The following SPATA9 variants were observed in gnomAD, a reference collection of about 807,000 sequenced individuals.
SPATA9 encodes spermatogenesis-associated protein 9.
SPATA9 carries 27 observed loss-of-function variants against 25.5 expected under a neutral mutation model. The ratio of observed to expected loss-of-function variants is 1.06; its 90% confidence interval spans 0.78 to 1.46. The LOEUF is 1.46. Ranked by LOEUF, SPATA9 falls within the 40% of genes most tolerant of loss-of-function variation. SPATA9 has a pLI of 0.00. For synonymous variants in SPATA9, 102 were observed against 105.7 expected, an observed-to-expected ratio of 0.97 and a Z score of 0.21; for missense variants, 282 against 297.5, an observed-to-expected ratio of 0.95 and a Z score of 0.38.
intron 2 of SPATA9, among the ~76,000 whole-genome samples, chr5:95,680,745 G>A (rs534352757): frequency 2.0e-5 from 3 of 152,122 alleles, no homozygotes; most frequent in Admixed American, 1.3e-4. Context: ...ATCTTCAGCC[G>A]GGCTTCTCTT....
At chr5:95,720,104 T>C in the SPATA9 span, among the ~76,000 whole-genome samples, 2 of 152,208 alleles carry the variant, frequency 1.3e-5, no homozygotes, top group East Asian at 3.8e-4. Flanking sequence ...AGTTTACACA[T>C]TGGCCTCTTG....
At chr5:95,727,510 T>C in the SPATA9 span, among the ~76,000 whole-genome samples, 2 of 152,184 alleles carry the variant, frequency 1.3e-5, no homozygotes, top group Admixed American at 6.5e-5. Context: ...ATAGAGTAAA[T>C]ATGAAATGGT....
chr5:95,691,910 G>T (rs1267383209), intron 1 of SPATA9, among the ~76,000 whole-genome samples: 7 of 151,956 alleles, frequency 4.6e-5, no homozygotes, highest in Admixed American at 4.6e-4. Flanking sequence ...ATTGATTATC[G>T]AATTTTATCA....
chr5:95,655,835 A>C, downstream of SPATA9: 1 of 500,242 alleles, frequency 2.0e-6, no homozygotes, highest in Non-Finnish European at 3.5e-6. Flanking sequence ...GTCTTCTGAT[A>C]GAGCTCTAAC....
At chr5:95,729,863 C>T in the SPATA9 span, among the ~76,000 whole-genome samples, 1 of 152,142 alleles carries the variant, frequency 6.6e-6, no homozygotes, top group Non-Finnish European at 1.5e-5. Flanking sequence ...CTTTTTTAAA[C>T]GCTAATCATC....
Position 95,682,431 on chromosome 5 carries a change from A to T in SPATA9, c.150+97T>A, listed in dbSNP as rs1490496434. 3 of 881,832 alleles carry T rather than the reference A, an allele frequency of 3.4e-6. No individual in the cohort carries two copies. The African/African-American group carries it at 5.2e-5, about 15-fold the overall frequency. The allele number at this position is 881,832 out of a possible 1,614,324, so 54.6% of individuals were successfully genotyped here. On this transcript the variant is annotated intron_variant, in intron 2 of 4. Transcript: ENST00000274432. ...AAAATTAGTGTTTTCTAAAGTTTTG[A>T]TCACTGATCTCAAAATCAAGCATTA...
downstream of SPATA9, chr5:95,654,148 T>G: frequency 6.2e-7 from 1 of 1,612,494 alleles, no homozygotes; most frequent in Non-Finnish European, 8.5e-7. Context: ...TTAAAAAATC[T>G]GAAAGAATGA....
the SPATA9 span, chr5:95,708,801 A>C: frequency 5.0e-6 from 3 of 595,042 alleles, no homozygotes; most frequent in Middle Eastern, 1.3e-3. Context: ...CCTTGGAAGT[A>C]CCGGCCCTCC....
chr5:95,674,853 T>C (rs1277017233), intron 3 of SPATA9: 17 of 453,960 alleles, frequency 3.7e-5, no homozygotes, highest in South Asian at 7.8e-5. Context: ...AAATTCTGAA[T>C]CTTTTGTAGT....
At chr5:95,708,510 G>A in the SPATA9 span, 1 of 692,384 alleles carries the variant, frequency 1.4e-6, no homozygotes. Flanking sequence ...ATCCCCCAAA[G>A]TAGGTGGCTA....
chr5:95,719,716 T>C, the SPATA9 span: 1 of 152,354 alleles, frequency 6.6e-6, no homozygotes, highest in Non-Finnish European at 1.5e-5. Context: ...TCTTCGATGA[T>C]CCTTGTAGTT....
chr5:95,656,063 G>A (rs752881517), downstream of SPATA9: 19 of 1,613,314 alleles, frequency 1.2e-5, no homozygotes, highest in Middle Eastern at 3.3e-4. Context: ...ATGGACGACC[G>A]TGTATAGTTT....
chr5:95,714,835 A>C, the SPATA9 span, among the ~76,000 whole-genome samples: 1 of 152,212 alleles, frequency 6.6e-6, no homozygotes, highest in Non-Finnish European at 1.5e-5. Flanking sequence ...CTTTATAATA[A>C]CATCTAAAAA....
In SPATA9 at chr5:95,682,510, G is replaced by A. The variant is rs779367101; in HGVS notation, c.150+18C>T. ...TATATTTTTTCTATTCCTTTTAAAG[G>A]TTATAAAATCACATTACCTGATTAG... is the stretch of plus-strand genomic sequence containing the variant. On this transcript the variant is annotated intron_variant, in intron 2 of 4. Coordinates refer to ENST00000274432, the MANE Select transcript of SPATA9 (RefSeq NM_031952.4). 3.3e-6 allele frequency: 5 copies of A among 1,504,710 alleles called. No homozygotes were observed. Among genetic ancestry groups the A allele is most frequent in the Non-Finnish European group, 4.6e-6 (5 of 1,090,002 alleles). The allele number at this position is 1,504,710 out of a possible 1,614,324, so 93.2% of individuals were successfully genotyped here. A position where few individuals can be genotyped will look rare whatever the true frequency, so the allele number is the denominator to read the frequency against.
In SPATA9 at chr5:95,659,056, T is replaced by C. The variant is rs536491922; in HGVS notation, c.475-143A>G. The stretch of plus-strand genomic sequence containing the variant: ...AACACTTCTTTTCAGGACCTTCAGG[T>C]ACATAATATAATAAGCATTGGGAGA... On this transcript the variant is annotated intron_variant, in intron 4 of 4. Transcript: ENST00000274432. The C allele has an allele frequency of 1.4e-5, 14 of 1,024,746 alleles. No individual in the cohort carries two copies. In the East Asian group the frequency reaches 2.4e-4, roughly 17 times the overall value. The allele number at this position is 1,024,746 out of a possible 1,614,324, so 63.5% of individuals were successfully genotyped here. A position where few individuals can be genotyped will look rare whatever the true frequency, so the allele number is the denominator to read the frequency against.
chr5:95,690,184 T>TA (rs200502733), intron 1 of SPATA9, among the ~76,000 whole-genome samples: 3,665 of 151,826 alleles, frequency 0.024, 66 homozygotes, highest in South Asian at 0.04. Flanking sequence ...AAATAAAAGT[T>TA]AAAAAAAAGA....
downstream of SPATA9, chr5:95,654,385 T>C (rs747471063): frequency 2.0e-6 from 3 of 1,531,560 alleles, no homozygotes; most frequent in Non-Finnish European, 1.8e-6. Context: ...AAATTAAATT[T>C]ATTTTCAGCA....
exon 9 of SPATA9, chr5:95,653,077 T>C (rs1750456462): frequency 6.5e-7 from 1 of 1,549,470 alleles, no homozygotes; most frequent in African/African-American, 1.4e-5. Flanking sequence ...TCACCAAGAC[T>C]TTTCTTTCCT....
In SPATA9 at chr5:95,694,451, A is replaced by C. The variant is rs74767306; in HGVS notation, n.124+4137T>G. On this transcript the variant is annotated intron_variant and non_coding_transcript_variant, in intron 1 of 2. Coordinates refer to the SPATA9 transcript ENST00000379990. The stretch of plus-strand genomic sequence containing the variant: ...AACTGGTCATTTTATGTAAATCTAC[A>C]TAACTATAAAAAAGAAAAGTATCAT... 9.5e-3 allele frequency among the ~76,000 whole-genome samples: 1,444 copies of C among 152,326 alleles called. 22 individuals are homozygous for C. Among genetic ancestry groups the C allele is most frequent in the African/African-American group, 0.033 (1,362 of 41,570 alleles).
Sources: allele counts gnomAD v4.1 joint callset (sites outside exome capture counted in the v4.1 genomes callset), GRCh38; gene constraint gnomAD v4.1.1; transcripts MANE v1.5; gene names NCBI Gene and HGNC (gene_info 2026-07-23, HGNC 2026-07-21).